Variants in GALNT17 observed in about 807,000 individuals in gnomAD.
GALNT17 encodes polypeptide N-acetylgalactosaminyltransferase 17, also known as UDP-GalNAc:polypeptide N-acetylgalactosaminyltransferase-like 3.
A neutral mutation model predicts 63.7 loss-of-function variants in GALNT17; 29 were observed. The observed-to-expected ratio is 0.46, with a 90% CI of 0.34 to 0.62. The LOEUF (loss-of-function observed/expected upper bound fraction) is 0.62. GALNT17 is among the 20% of genes least tolerant of loss of function. GALNT17 has a pLI of 0.01. For missense variants in GALNT17, 603 were observed against 799.6 expected (o/e 0.75, Z 2.97); for synonymous variants, 305 against 318.3 (o/e 0.96, Z 0.45).
chr7:71,627,861 A>G (rs911360208), intron 6 of GALNT17, among the ~76,000 whole-genome samples: 7 of 152,174 alleles, frequency 4.6e-5, no homozygotes, highest in African/African-American at 1.7e-4. Flanking sequence ...TCCTAAGACC[A>G]TAACAGTTCT....
chr7:71,175,416 A>G (rs149242087), intron 1 of GALNT17, among the ~76,000 whole-genome samples: 73 of 152,266 alleles, frequency 4.8e-4, no homozygotes, highest in Non-Finnish European at 7.3e-4. Flanking sequence ...CTCTATCTGT[A>G]TCATCTATCT....
intron 1 of GALNT17, among the ~76,000 whole-genome samples, chr7:71,134,087 T>TC (rs1179139212): frequency 6.6e-6 from 1 of 152,168 alleles, no homozygotes; most frequent in Admixed American, 6.5e-5. Context: ...GCTCCACCCA[T>TC]CCACAGAGGG....
At chr7:71,181,759 C>T (rs1192061816) in intron 1 of GALNT17, among the ~76,000 whole-genome samples, 1 of 152,152 alleles carries the variant, frequency 6.6e-6, no homozygotes, top group Non-Finnish European at 1.5e-5. Flanking sequence ...CACCTATAGT[C>T]CCAGCTACTC....
chr7:71,705,350 A>T (rs1375953473), intron 9 of GALNT17, among the ~76,000 whole-genome samples: 1 of 152,206 alleles, frequency 6.6e-6, no homozygotes, highest in African/African-American at 2.4e-5. Context: ...GAATCAAAAA[A>T]AGCAGACAAT....
intron 5 of GALNT17, among the ~76,000 whole-genome samples, chr7:71,569,191 C>T (rs1317728097): frequency 2.0e-5 from 3 of 152,222 alleles, no homozygotes; most frequent in South Asian, 2.1e-4. Context: ...AGGATGGTCT[C>T]GATCTCCTGA....
At chr7:71,407,558 G>A (rs1452976546) in intron 3 of GALNT17, among the ~76,000 whole-genome samples, 1 of 152,062 alleles carries the variant, frequency 6.6e-6, no homozygotes, top group Non-Finnish European at 1.5e-5. Context: ...ACCAGCCTCA[G>A]CAACATGGTA....
chr7:71,553,544 C>G (rs1201255930), intron 5 of GALNT17, among the ~76,000 whole-genome samples: 1 of 152,092 alleles, frequency 6.6e-6, no homozygotes, highest in Non-Finnish European at 1.5e-5. Flanking sequence ...CATATTGAAT[C>G]CTTGTTCTTT....
At chr7:71,566,715 G>A (rs994981013) in intron 5 of GALNT17, among the ~76,000 whole-genome samples, 6 of 148,702 alleles carry the variant, frequency 4.0e-5, no homozygotes, top group African/African-American at 7.5e-5. Flanking sequence ...AGGGGTTAGC[G>A]TAGGTCATCA....
chr7:71,272,261 G>C (rs576926471), intron 1 of GALNT17, among the ~76,000 whole-genome samples: 1 of 152,086 alleles, frequency 6.6e-6, no homozygotes, highest in African/African-American at 2.4e-5. Context: ...CAGTTTGGGG[G>C]AATCATGAAT....
At chr7:71,511,893 A>G (rs533447685) in intron 5 of GALNT17, among the ~76,000 whole-genome samples, 1 of 152,228 alleles carries the variant, frequency 6.6e-6, no homozygotes, top group South Asian at 2.1e-4. Context: ...AGTCACTGCC[A>G]TGTACCACAG....
chr7:71,664,585 T>C (rs1231107683), intron 6 of GALNT17, among the ~76,000 whole-genome samples: 1 of 152,166 alleles, frequency 6.6e-6, no homozygotes, highest in African/African-American at 2.4e-5. Flanking sequence ...CACTCCAGTC[T>C]GGGTGATAGA....
intron 1 of GALNT17, among the ~76,000 whole-genome samples, chr7:71,332,123 G>A (rs918263779): frequency 1.3e-5 from 2 of 152,126 alleles, no homozygotes; most frequent in African/African-American, 4.8e-5. Flanking sequence ...ATTGTCTTGA[G>A]TACTCTCTGA....
At chr7:71,312,114 AT>A (rs2115948289) in intron 1 of GALNT17, among the ~76,000 whole-genome samples, 1 of 152,310 alleles carries the variant, frequency 6.6e-6, no homozygotes, top group East Asian at 1.9e-4. Context: ...CCATGCCTTA[AT>A]TTGCATGGTA....
chr7:71,352,672 T>A (rs1413704589), intron 2 of GALNT17, among the ~76,000 whole-genome samples: 3 of 152,140 alleles, frequency 2.0e-5, no homozygotes, highest in African/African-American at 7.2e-5. Context: ...GACGTGACCA[T>A]CAAAGCTGAG....
chr7:71,594,345 A>G (rs1355483753), intron 6 of GALNT17, among the ~76,000 whole-genome samples: 2 of 152,124 alleles, frequency 1.3e-5, no homozygotes, highest in African/African-American at 4.8e-5. Flanking sequence ...GCTGGAGTGC[A>G]GTGGCACAAT....
At chr7:71,339,402 G>A (rs1563015925) in intron 2 of GALNT17, among the ~76,000 whole-genome samples, 2 of 152,158 alleles carry the variant, frequency 1.3e-5, no homozygotes, top group Non-Finnish European at 2.9e-5. Context: ...GTTGAAGATG[G>A]GGGGCCAGGC....
In GALNT17 at chr7:71,132,958, C is replaced by A. The variant is rs773484008; in HGVS notation, c.156C>A (p.Ser52Arg). ...CGCGCGCCGAGGTGGCCAACCTCAG[C>A]GCGCACAGCGCCAGCCCCATCCAGG... The part of the protein sequence containing the change: ...IRPRAEVANL[S>R]AHSASPIQDA... Residue 52 changes from serine (S) to arginine (R), a missense_variant, in exon 1 of 11, where the codon AGC becomes AGA. Physicochemically the swap from Ser to Arg is moderately radical, Grantham distance 110 (BLOSUM62 -1). Transcript: ENST00000333538. The A allele has an allele frequency of 1.9e-6, 3 of 1,609,822 alleles. No individual in the cohort carries two copies. The highest frequency in any genetic ancestry group is 1.3e-5 in the African/African-American group (1 of 74,884).
intron 1 of GALNT17, among the ~76,000 whole-genome samples, chr7:71,288,004 A>G (rs566078063): frequency 6.8e-6 from 1 of 147,090 alleles, no homozygotes; most frequent in Non-Finnish European, 1.5e-5. Flanking sequence ...GTGAGCCGAG[A>G]TCACACCACT....
intron 5 of GALNT17, among the ~76,000 whole-genome samples, chr7:71,424,377 G>C (rs796544997): frequency 6.6e-6 from 1 of 152,216 alleles, no homozygotes; most frequent in East Asian, 1.9e-4. Context: ...GGGTGTCACC[G>C]TAAGTGCTGT....
Sources: allele counts gnomAD v4.1 joint callset (sites outside exome capture counted in the v4.1 genomes callset), GRCh38; gene constraint gnomAD v4.1.1; transcripts MANE v1.5; gene names NCBI Gene and HGNC (gene_info 2026-07-23, HGNC 2026-07-21).